The following CASTOR2 variants were observed in gnomAD, a reference collection of about 807,000 sequenced individuals.
CASTOR2 encodes cytosolic arginine sensor for mTORC1 subunit 2.
CASTOR2 carries 8 observed loss-of-function variants against 31.2 expected under a neutral mutation model. That is an observed-to-expected ratio of 0.26 (90% CI 0.15 to 0.46). CASTOR2 has a LOEUF of 0.46. Ranked by LOEUF, CASTOR2 falls within the 20% of genes least tolerant of loss-of-function variation. CASTOR2 has a pLI of 0.99. For synonymous variants in CASTOR2, 162 were observed against 158.7 expected (o/e 1.02, Z -0.16); for missense variants, 216 against 382.1 (o/e 0.57, Z 3.62).
rs1445651062 is a variant in CASTOR2, at chr7:75,029,436, C to T, written c.*4737C>T. ...TCGGTTCGCTGCAACCTCTGCTTCCCAGGTTCAAGTGATTCTCCTGCCTCA... is the reference window on the plus strand; with the variant it reads ...TCGGTTCGCTGCAACCTCTGCTTCCTAGGTTCAAGTGATTCTCCTGCCTCA... On this transcript the variant is annotated 3_prime_UTR_variant, in exon 9 of 9. Transcript: ENST00000616305. 6.6e-6 allele frequency among the ~76,000 whole-genome samples: 1 copy of T among 150,924 alleles called. No individual in the cohort carries two copies. The highest frequency in any genetic ancestry group is 2.0e-4 in the East Asian group (1 of 5,120).
At chr7:75,012,289 A>T (rs1320170796) in intron 2 of CASTOR2, among the ~76,000 whole-genome samples, 1 of 151,938 alleles carries the variant, frequency 6.6e-6, no homozygotes, top group Non-Finnish European at 1.5e-5. Flanking sequence ...TCTGCTTCAG[A>T]AAGAGAGTTT....
At position 75,026,306 on chromosome 7, in the gene CASTOR2, C is replaced by T. The variant is rs1805130459; in HGVS notation, c.*1607C>T. On this transcript the variant is annotated 3_prime_UTR_variant, in exon 9 of 9. Coordinates refer to ENST00000616305, the MANE Select transcript of CASTOR2 (RefSeq NM_001145064.3). ...CCAGGTTCAAGTGATTCTCCTGCCT[C>T]GGCCTCCCAAGTAGCTGGGATTACA... 6.6e-6 allele frequency among the ~76,000 whole-genome samples: 1 copy of T among 151,562 alleles called. No homozygotes were observed. The highest frequency in any genetic ancestry group is 6.6e-5 in the Admixed American group (1 of 15,158).
Position 75,027,367 on chromosome 7 carries a change from G to A in CASTOR2, c.*2668G>A, listed in dbSNP as rs1422832067. 6.5e-6 allele frequency: 1 copy of A among 152,852 alleles called. No individual in the cohort carries two copies. The highest frequency in any genetic ancestry group is 1.5e-5 in the Non-Finnish European group (1 of 68,214). 9.5% of individuals were successfully genotyped at this position (152,852 alleles called of 1,614,324 possible). A position where few individuals can be genotyped will look rare whatever the true frequency, so the allele number is the denominator to read the frequency against. On this transcript the variant is annotated 3_prime_UTR_variant, in exon 9 of 9. Coordinates refer to ENST00000616305, the MANE Select transcript of CASTOR2 (RefSeq NM_001145064.3). Reference sequence around the variant, plus strand: ...GTTGATCCCGAGGGAGGAGTATTTGGAATTTCTTGCTTTTAACCAGAATGC... The same window carrying A: ...GTTGATCCCGAGGGAGGAGTATTTGAAATTTCTTGCTTTTAACCAGAATGC...
chr7:75,010,318 A>C (rs1804709217), intron 2 of CASTOR2, among the ~76,000 whole-genome samples: 1 of 152,158 alleles, frequency 6.6e-6, no homozygotes, highest in Non-Finnish European at 1.5e-5. Context: ...CCTCTAAAAA[A>C]GGGGAAGACA....
intron 4 of CASTOR2, 108 bp from the exon 5 acceptor site, chr7:75,018,864 T>TG: frequency 6.5e-7 from 1 of 1,526,798 alleles, no homozygotes; most frequent in Non-Finnish European, 8.9e-7. Flanking sequence ...ATGAGTCTCT[T>TG]GGGGCCTGCA....
chr7:74,991,887 A>G (rs1554437379), intron 1 of CASTOR2, among the ~76,000 whole-genome samples: 1 of 152,068 alleles, frequency 6.6e-6, no homozygotes, highest in Non-Finnish European at 1.5e-5. Context: ...AGTGGGAGCC[A>G]TGGGAGGTGC....
chr7:75,030,475 A>T lies in CASTOR2; in HGVS notation c.*5776A>T, dbSNP rs1805271321. Among the ~76,000 whole-genome samples, 1 of 152,056 alleles carries T rather than the reference A, an allele frequency of 6.6e-6. No individual in the cohort carries two copies. Among genetic ancestry groups the T allele is most frequent in the African/African-American group, 2.4e-5 (1 of 41,372 alleles). On this transcript the variant is annotated 3_prime_UTR_variant, in exon 9 of 9. Transcript: ENST00000616305. The stretch of plus-strand genomic sequence containing the variant: ...ACCCCACTTGTCAGAACTACTCTGG[A>T]GGGGGGCAAAGGTGTCAGGAACAGT...
At chr7:75,014,836 A>T (rs1804831542) in intron 2 of CASTOR2, among the ~76,000 whole-genome samples, 1 of 152,268 alleles carries the variant, frequency 6.6e-6, no homozygotes, top group Admixed American at 6.5e-5. Context: ...CTAGTGGCAG[A>T]GTCTTGGTTA....
At position 74,990,998 on chromosome 7, in the gene CASTOR2, A is replaced by G. The variant is rs1232695156; in HGVS notation, c.114-16996A>G. On this transcript the variant is annotated intron_variant, in intron 1 of 8. Coordinates refer to ENST00000616305, the MANE Select transcript of CASTOR2 (RefSeq NM_001145064.3). Reference sequence around the variant, plus strand: ...TCGGGCAGGAGGATCACGTAAGCCCAGGAGTTAGAGGCTGCAGTGAACTGT... The same window carrying G: ...TCGGGCAGGAGGATCACGTAAGCCCGGGAGTTAGAGGCTGCAGTGAACTGT... Among the ~76,000 whole-genome samples the G allele has an allele frequency of 3.4e-4, 52 of 151,200 alleles. No homozygotes were observed. In the South Asian group the frequency reaches 9.0e-3, roughly 26 times the overall value.
chr7:75,006,876 C>T (rs1188500719), intron 1 of CASTOR2, among the ~76,000 whole-genome samples: 1 of 148,718 alleles, frequency 6.7e-6, no homozygotes. Flanking sequence ...CACCAACCAG[C>T]CATGTGGAAC....
intron 1 of CASTOR2, among the ~76,000 whole-genome samples, chr7:74,972,459 C>T (rs1444255345): frequency 2.0e-5 from 3 of 151,218 alleles, no homozygotes; most frequent in Non-Finnish European, 3.0e-5. Flanking sequence ...ATGCTGTTAT[C>T]TTTAAATTCC....
intron 1 of CASTOR2, among the ~76,000 whole-genome samples, chr7:74,971,953 G>GT (rs1315325588): frequency 2.7e-5 from 4 of 149,326 alleles, no homozygotes; most frequent in South Asian, 4.3e-4. Flanking sequence ...AGTCCCCTCT[G>GT]TTTTTTTATT....
intron 6 of CASTOR2, 150 bp downstream of exon 6, chr7:75,020,299 G>A: frequency 1.3e-6 from 1 of 784,978 alleles, no homozygotes. Context: ...CTGGGGTGCA[G>A]TGGTGCGATC....
In CASTOR2 at chr7:75,017,602, G is replaced by A. The variant is rs1804895142; in HGVS notation, c.189G>A (p.Leu63=). 1 of 1,613,906 alleles carries A rather than the reference G, an allele frequency of 6.2e-7. No homozygotes were observed. The highest frequency in any genetic ancestry group is 8.5e-7 in the Non-Finnish European group (1 of 1,179,854). The change falls in exon 3 of 9, where the codon CTG becomes CTA. Residue 63 remains leucine (L), a synonymous_variant. Coordinates refer to ENST00000616305, the MANE Select transcript of CASTOR2 (RefSeq NM_001145064.3). ...GCCTTCTGTGTCTCCCTCCAGAGCT[G>A]CCCTCCTCGGAGCACCTGAGTGTGG... ...IIVDEEGFLE[L]PSSEHLSVAD...
In CASTOR2 at chr7:75,018,043, C is replaced by T; in HGVS notation, c.432C>T (p.Thr144=). ...FVTHTLSSEF[T]ILRVVNGETV... Reference sequence around the variant, plus strand: ...CCCACACATTGTCATCAGAGTTCACCATCCTGCGGGTCGTCAATGGCGAGA... The same window carrying T: ...CCCACACATTGTCATCAGAGTTCACTATCCTGCGGGTCGTCAATGGCGAGA... The change falls in exon 4 of 9, where the codon ACC becomes ACT. Residue 144 remains threonine (T), a synonymous_variant. Transcript: ENST00000616305. 6.2e-7 allele frequency: 1 copy of T among 1,614,234 alleles called. No individual in the cohort carries two copies. Among genetic ancestry groups the T allele is most frequent in the East Asian group, 2.2e-5 (1 of 44,882 alleles).
chr7:74,987,698 C>T (rs1238433869), intron 1 of CASTOR2, among the ~76,000 whole-genome samples: 7 of 152,130 alleles, frequency 4.6e-5, no homozygotes, highest in African/African-American at 1.7e-4. Flanking sequence ...AAGGTTCTGT[C>T]TGGTTTTCTT....
chr7:74,989,277 T>G (rs1408713878), intron 1 of CASTOR2, among the ~76,000 whole-genome samples: 9 of 129,488 alleles, frequency 7.0e-5, no homozygotes, highest in Middle Eastern at 8.3e-3. Context: ...TTTTTTTTTT[T>G]GAGACAGGAT....
At chr7:75,015,311 C>G (rs1456634230) in intron 2 of CASTOR2, among the ~76,000 whole-genome samples, 3 of 152,194 alleles carry the variant, frequency 2.0e-5, no homozygotes, top group African/African-American at 7.2e-5. Context: ...GCTGTGTCAC[C>G]TAGGCTGGAG....
intron 1 of CASTOR2, among the ~76,000 whole-genome samples, chr7:74,989,429 G>GTTTTGT (rs1804152374): frequency 2.0e-5 from 3 of 148,372 alleles, no homozygotes; most frequent in Non-Finnish European, 3.0e-5. Context: ...GGTAATTTTT[G>GTTTTGT]TTTTGTTTTT....
Sources: gnomAD v4.1 joint callset for allele counts (sites outside exome capture counted in the v4.1 genomes callset) on GRCh38, gnomAD v4.1.1 for gene constraint, MANE v1.5 for transcripts, NCBI Gene and HGNC (gene_info 2026-07-23, HGNC 2026-07-21) for gene names.